TPR: variants seen among roughly 807,000 people sequenced by gnomAD.
The protein encoded by TPR is translocated promoter region, nuclear basket protein.
Under a neutral mutation model 316.1 loss-of-function variants are expected in TPR, and 51 were observed. The ratio of observed to expected loss-of-function variants is 0.16; its 90% CI spans 0.13 to 0.20. The LOEUF (loss-of-function observed/expected upper bound fraction) is 0.20, where lower values mean the gene tolerates loss of function less well. Ranked by LOEUF, TPR falls within the 10% of genes least tolerant of loss-of-function variation. The probability of loss-of-function intolerance (pLI) is 1.00; values close to 1 mark genes in which losing one functional copy is unlikely to be tolerated. For missense variants in TPR, 2,272 were observed against 2,754.8 expected, an observed-to-expected ratio of 0.82 and a Z score of 3.92; for synonymous variants, 981 against 914.7, an observed-to-expected ratio of 1.07 and a Z score of -1.31.
Position 186,357,586 on chromosome 1 carries a change from C to T in TPR, c.1535G>A (p.Gly512Asp). The T allele has an allele frequency of 6.2e-7, 1 of 1,613,882 alleles. No individual in the cohort carries two copies. The highest frequency in any genetic ancestry group is 8.5e-7 in the Non-Finnish European group (1 of 1,179,996). ...VLLMELEEARGNHVIRDEEVS... is the reference protein window; with the variant it reads ...VLLMELEEARDNHVIRDEEVS... ...TTCCTCATCACGAATTACGTGGTTA[C>T]CCCTTGCTTCTTCAAGTTCCATCAA... The change falls in exon 14 of 51, where the codon GGT becomes GAT. Residue 512 changes from glycine (G) to aspartate (D), a missense_variant. Around this residue, in one of 10 missense-constraint regions of TPR, gnomAD observed 549 missense variants for 598.6 expected, o/e 0.92. Transcript: ENST00000367478.
Position 186,313,546 on chromosome 1 carries a change from G to C in TPR, c.*425C>G, listed in dbSNP as rs532342571. 74 of 614,640 alleles carry C rather than the reference G, an allele frequency of 1.2e-4. No individual in the cohort carries two copies. Among genetic ancestry groups the C allele is most frequent in the African/African-American group, 9.1e-4 (49 of 54,060 alleles). 38.1% of individuals were successfully genotyped at this position (614,640 alleles called of 1,614,324 possible). Reference sequence around the variant, plus strand: ...CAATTGTTTTTCTTTTTGTTATAAAGTTCAAATTAATTAGTAAAAACATCT... The same window carrying C: ...CAATTGTTTTTCTTTTTGTTATAAACTTCAAATTAATTAGTAAAAACATCT... On this transcript the variant is annotated 3_prime_UTR_variant, in exon 51 of 51. Coordinates refer to ENST00000367478, the MANE Select transcript of TPR (RefSeq NM_003292.3).
At chr1:186,317,899 T>G (rs536662378) in intron 48 of TPR, among the ~76,000 whole-genome samples, 2 of 152,320 alleles carry the variant, frequency 1.3e-5, no homozygotes, top group East Asian at 3.9e-4. Context: ...ATAAGAAATA[T>G]ATGGTCCAGA....
chr1:186,335,423 C>T lies in TPR; in HGVS notation c.4826G>A (p.Arg1609Gln), dbSNP rs769765307. The T allele has an allele frequency of 1.2e-6, 2 of 1,613,810 alleles. No homozygotes were observed. Residue 1609 changes from arginine (R) to glutamine (Q), a missense_variant, in exon 34 of 51, where the codon CGA (arginine) becomes CAA (glutamine). By Grantham distance (43) the Arg-to-Gln change is conservative. This residue lies in a region of TPR where 109 missense variants were observed against 215.3 expected (regional missense o/e 0.51). Coordinates refer to ENST00000367478, the MANE Select transcript of TPR (RefSeq NM_003292.3). ...GAGTTCTCTTTCCAAGCGACTAATT[C>T]GACCTTCATATTGGGACTTTAGCGC... ...ITALKSQYEG[R>Q]ISRLERELRE...
chr1:186,320,251 T>C (rs1447690052), intron 46 of TPR, 61 bp downstream of exon 46: 40 of 1,394,788 alleles, frequency 2.9e-5, no homozygotes, highest in Non-Finnish European at 3.8e-5. Flanking sequence ...TTAAATCACA[T>C]CTTAATAGTT....
chr1:186,357,029 T>C (rs1368237745), intron 14 of TPR, among the ~76,000 whole-genome samples: 1 of 152,172 alleles, frequency 6.6e-6, no homozygotes, highest in Non-Finnish European at 1.5e-5. Flanking sequence ...CCCAAGTATC[T>C]AGCACTGTTA....
chr1:186,314,128 G>A, intron 50 of TPR, 102 bp from the exon 51 acceptor site: 1 of 1,091,284 alleles, frequency 9.2e-7, no homozygotes, highest in Admixed American at 2.2e-5. Flanking sequence ...AGGCATTGTG[G>A]ATATAAAACT....
At position 186,343,310 on chromosome 1, in the gene TPR, A is replaced by C. The variant is rs1267697920; in HGVS notation, c.3750+16T>G. On this transcript the variant is annotated intron_variant, in intron 27 of 50. Transcript: ENST00000367478. ...TTTGATTTAACAAGTGCTTTCTTAA[A>C]GCTTAGTATACCTACCTGGACTTTC... The C allele has an allele frequency of 1.2e-6, 2 of 1,600,394 alleles. No homozygotes were observed. Among genetic ancestry groups the C allele is most frequent in the Non-Finnish European group, 1.7e-6 (2 of 1,176,254 alleles).
Position 186,318,318 on chromosome 1 carries a change from ACT to A in TPR, c.6821+127_6821+128del, listed in dbSNP as rs1042643035. 14 of 1,205,870 alleles carry A rather than the reference ACT, an allele frequency of 1.2e-5. No individual in the cohort carries two copies. In the African/African-American group the frequency reaches 1.4e-4, roughly 12 times the overall value. 74.7% of individuals were successfully genotyped at this position (1,205,870 alleles called of 1,614,324 possible). A position where few individuals can be genotyped will look rare whatever the true frequency, so the allele number is the denominator to read the frequency against. ...ACTCCAGCATGGGCGACAGAGCGAG[ACT>A]CTGTCTCAAAAAAAAAAACAAAAAA... On this transcript the variant is annotated intron_variant, in intron 48 of 50. Coordinates refer to ENST00000367478, the MANE Select transcript of TPR (RefSeq NM_003292.3).
At chr1:186,350,086 A>G in intron 21 of TPR, 137 bp downstream of exon 21, 2 of 878,354 alleles carry the variant, frequency 2.3e-6, no homozygotes, top group East Asian at 3.0e-5. Flanking sequence ...ATATAAAGAA[A>G]AAGTTGGGTT....
chr1:186,315,226 A>C (rs559095490), intron 49 of TPR, among the ~76,000 whole-genome samples: 458 of 150,240 alleles, frequency 3.0e-3, no homozygotes, highest in African/African-American at 0.011. Context: ...ACAAACAAAC[A>C]AACAAAAAAA....
chr1:186,372,591 C>G (rs1034046391), intron 2 of TPR, among the ~76,000 whole-genome samples: 7 of 152,114 alleles, frequency 4.6e-5, no homozygotes, highest in Non-Finnish European at 8.8e-5. Context: ...GAGATCTTTC[C>G]TAATGTTCTG....
intron 29 of TPR, among the ~76,000 whole-genome samples, chr1:186,340,167 T>C (rs1370431768): frequency 6.6e-6 from 1 of 152,202 alleles, no homozygotes; most frequent in Non-Finnish European, 1.5e-5. Flanking sequence ...ACAAACCTTC[T>C]GTAGATGCCA....
chr1:186,360,442 G>T, intron 10 of TPR, 78 bp from the exon 11 acceptor site: 1 of 1,422,436 alleles, frequency 7.0e-7, no homozygotes, highest in Admixed American at 1.9e-5. Context: ...CAAGGTAAGT[G>T]ACATGTACTG....
intron 30 of TPR, among the ~76,000 whole-genome samples, chr1:186,339,312 T>C (rs895365641): frequency 1.3e-5 from 2 of 151,894 alleles, no homozygotes; most frequent in African/African-American, 2.4e-5. Flanking sequence ...ACTTCCCTTA[T>C]AGAGTCACAA....
intron 39 of TPR, among the ~76,000 whole-genome samples, chr1:186,329,938 G>C (rs1257692335): frequency 6.6e-6 from 1 of 152,134 alleles, no homozygotes; most frequent in Non-Finnish European, 1.5e-5. Flanking sequence ...GTTTGAATCT[G>C]AGCTCCAATG....
Position 186,314,636 on chromosome 1 carries a change from T to C in TPR, c.7029A>G (p.Arg2343=), listed in dbSNP as rs752057131. 8 of 1,607,462 alleles carry C rather than the reference T, an allele frequency of 5.0e-6. No individual in the cohort carries two copies. Among genetic ancestry groups the C allele is most frequent in the Non-Finnish European group, 6.8e-6 (8 of 1,176,728 alleles). ...GTTATGTCAGAAATTCACCTCTCTG[T>C]CTGTTAAACTGACGACCACGGACAC... The part of the protein sequence containing the change: ...RQGVRGRQFN[R]QRGVSHAMGG... The change falls in exon 50 of 51, where the codon AGA becomes AGG. Residue 2343 remains arginine (R), a synonymous_variant. Transcript: ENST00000367478.
chr1:186,341,537 C>A, intron 27 of TPR, 148 bp from the exon 28 acceptor site: 1 of 824,102 alleles, frequency 1.2e-6, no homozygotes, highest in Non-Finnish European at 1.8e-6. Flanking sequence ...TTCACGTTTA[C>A]TTTTCTGTGA....
intron 2 of TPR, 53 bp from the exon 3 acceptor site, chr1:186,371,096 G>C (rs1245606971): frequency 8.4e-6 from 12 of 1,431,172 alleles, no homozygotes; most frequent in African/African-American, 1.4e-5. Context: ...AACTTGCAAT[G>C]AGTGTTTTTA....
intron 39 of TPR, among the ~76,000 whole-genome samples, chr1:186,329,976 T>C (rs1257211303): frequency 6.6e-6 from 1 of 152,170 alleles, no homozygotes; most frequent in Non-Finnish European, 1.5e-5. Flanking sequence ...CACTACTTTA[T>C]CTGGGTATCA....
Sources: allele counts gnomAD v4.1 joint callset (sites outside exome capture counted in the v4.1 genomes callset), GRCh38; gene constraint gnomAD v4.1.1; regional missense constraint gnomAD v4.1.1; transcripts MANE v1.5; gene names NCBI Gene and HGNC (gene_info 2026-07-23, HGNC 2026-07-21).